The following VAV3 variants were observed in gnomAD, a reference collection of about 807,000 sequenced individuals.
VAV3 encodes the protein vav guanine nucleotide exchange factor 3.
A neutral mutation model predicts 131.2 loss-of-function variants in VAV3; 94 were observed. The ratio of observed to expected loss-of-function variants is 0.72; its 90% CI spans 0.61 to 0.85. The LOEUF (loss-of-function observed/expected upper bound fraction) is 0.85, where lower values mean the gene tolerates loss of function less well. Ranked by LOEUF, VAV3 falls within the 40% of genes least tolerant of loss-of-function variation. VAV3 has a pLI of 0.00. For missense variants in VAV3, 939 were observed against 1,002.7 expected (o/e 0.94, Z 0.86); for synonymous variants, 349 against 342.0 (o/e 1.02, Z -0.22).
At chr1:107,902,715 T>C (rs917889164) in intron 1 of VAV3, among the ~76,000 whole-genome samples, 6 of 152,144 alleles carry the variant, frequency 3.9e-5, no homozygotes, top group African/African-American at 7.2e-5. Context: ...ATATAAATCA[T>C]ATCTATGTAT....
intron 1 of VAV3, among the ~76,000 whole-genome samples, chr1:107,884,266 A>C (rs963105766): frequency 9.2e-5 from 14 of 151,878 alleles, no homozygotes; most frequent in African/African-American, 3.4e-4. Flanking sequence ...TTTATATCAC[A>C]AAGGATAAAT....
chr1:107,651,207 G>C (rs1213903142), intron 19 of VAV3, among the ~76,000 whole-genome samples: 3 of 152,108 alleles, frequency 2.0e-5, no homozygotes, highest in African/African-American at 7.2e-5. Flanking sequence ...AGAACTGTCA[G>C]CTGTCATTTA....
chr1:107,768,064 G>T (rs1400162261), intron 7 of VAV3, among the ~76,000 whole-genome samples: 1 of 152,154 alleles, frequency 6.6e-6, no homozygotes, highest in Non-Finnish European at 1.5e-5. Flanking sequence ...AACTGATATG[G>T]TGAGGACATC....
At chr1:107,879,808 TA>T (rs1670681188) in intron 1 of VAV3, among the ~76,000 whole-genome samples, 1 of 152,210 alleles carries the variant, frequency 6.6e-6, no homozygotes, top group African/African-American at 2.4e-5. Context: ...GACTTAGAAT[TA>T]AATAACTTTA....
intron 15 of VAV3, among the ~76,000 whole-genome samples, chr1:107,718,188 T>G (rs1661239044): frequency 6.6e-6 from 1 of 152,190 alleles, no homozygotes. Flanking sequence ...TTCAACATAC[T>G]GTTGGAAGTT....
chr1:107,580,113 C>T (rs1570551453), intron 25 of VAV3, among the ~76,000 whole-genome samples: 1 of 152,318 alleles, frequency 6.6e-6, no homozygotes, highest in East Asian at 1.9e-4. Flanking sequence ...CCCAATTAGA[C>T]AGCGATTCTG....
chr1:107,614,755 T>C (rs1653015246), intron 21 of VAV3, among the ~76,000 whole-genome samples: 1 of 152,152 alleles, frequency 6.6e-6, no homozygotes. Flanking sequence ...GTTCATTCAT[T>C]CAACAGTAAT....
At chr1:107,590,456 C>A (rs1650859901) in intron 25 of VAV3, among the ~76,000 whole-genome samples, 2 of 152,174 alleles carry the variant, frequency 1.3e-5, no homozygotes, top group African/African-American at 4.8e-5. Context: ...AGCCTATATA[C>A]AAATGCCTAT....
In VAV3 at chr1:107,574,138, A is replaced by G. The variant is rs758868025; in HGVS notation, c.2411T>C (p.Met804Thr). 4.3e-6 allele frequency: 7 copies of G among 1,613,916 alleles called. No homozygotes were observed. Among genetic ancestry groups the G allele is most frequent in the Non-Finnish European group, 5.9e-6 (7 of 1,179,984 alleles). The part of the protein sequence containing the change: ...IARYDFCARD[M>T]RELSLLKGDV... ...TCCTTTCAACAAGGACAACTCTCTC[A>G]TATCTCTTGCACAGAAGTCATACCG... The change falls in exon 26 of 27, where the codon ATG (methionine) becomes ACG (threonine). Residue 804 changes from methionine (M) to threonine (T), a missense_variant. Physicochemically the swap from Met to Thr is moderately conservative, Grantham distance 81. Coordinates refer to ENST00000370056, the MANE Select transcript of VAV3 (RefSeq NM_006113.5).
chr1:107,708,023 C>T (rs2101863966), intron 15 of VAV3, among the ~76,000 whole-genome samples: 1 of 152,310 alleles, frequency 6.6e-6, no homozygotes, highest in East Asian at 1.9e-4. Flanking sequence ...CAGAGTCATT[C>T]ATCCATTTCA....
chr1:107,628,740 TA>T (rs1654226390), intron 20 of VAV3, among the ~76,000 whole-genome samples: 1 of 152,180 alleles, frequency 6.6e-6, no homozygotes, highest in Admixed American at 6.5e-5. Flanking sequence ...TGGTCTAATA[TA>T]TAGAACTAAA....
intron 17 of VAV3, among the ~76,000 whole-genome samples, 160 bp downstream of exon 17, chr1:107,704,390 C>T (rs535455758): frequency 2.0e-4 from 30 of 152,194 alleles, no homozygotes; most frequent in Admixed American, 5.9e-4. Flanking sequence ...AGAAAACTCA[C>T]GTAAATTTTA....
intron 2 of VAV3, among the ~76,000 whole-genome samples, chr1:107,858,393 G>C (rs1001274088): frequency 2.0e-5 from 3 of 152,092 alleles, no homozygotes; most frequent in Admixed American, 6.5e-5. Context: ...CAAAATCTAA[G>C]AAAAATTTAA....
chr1:107,793,977 A>T (rs1666423814), intron 2 of VAV3, among the ~76,000 whole-genome samples: 1 of 152,254 alleles, frequency 6.6e-6, no homozygotes, highest in South Asian at 2.1e-4. Flanking sequence ...ATCTAGCTTG[A>T]GCAAACTTTA....
intron 19 of VAV3, among the ~76,000 whole-genome samples, chr1:107,664,739 G>T (rs74346298): frequency 0.014 from 2,187 of 152,236 alleles, 55 homozygotes; most frequent in African/African-American, 0.05. Flanking sequence ...TGTCATGGGA[G>T]AGGGACCCAC....
chr1:107,661,624 TAA>T (rs910375577), intron 19 of VAV3, among the ~76,000 whole-genome samples: 42 of 152,208 alleles, frequency 2.8e-4, no homozygotes, highest in Non-Finnish European at 5.7e-4. Context: ...AATCTCTCAA[TAA>T]AAGTTTGTTA....
At chr1:107,689,137 A>C (rs900671824) in intron 17 of VAV3, among the ~76,000 whole-genome samples, 2 of 152,160 alleles carry the variant, frequency 1.3e-5, no homozygotes, top group African/African-American at 4.8e-5. Context: ...CGCACACGGC[A>C]CTTGGAAAAC....
chr1:107,600,235 A>C (rs1651738042), intron 24 of VAV3, among the ~76,000 whole-genome samples: 1 of 152,204 alleles, frequency 6.6e-6, no homozygotes, highest in Non-Finnish European at 1.5e-5. Context: ...GAACAGAAAC[A>C]AAATGGAGGG....
rs1649294211 is a variant in VAV3, at chr1:107,571,996, ACT to A, written c.*1333_*1334del. 2.0e-5 allele frequency: 3 copies of A among 152,324 alleles called. No individual in the cohort carries two copies. In the South Asian group the frequency reaches 6.2e-4, roughly 32 times the overall value. 9.4% of individuals were successfully genotyped at this position (152,324 alleles called of 1,614,324 possible). ...TGCTTCTTTTTTTTCCCAACATGTA[ACT>A]CTCTCAGTCTTGTCAGAACACAACT... On this transcript the variant is annotated 3_prime_UTR_variant, in exon 27 of 27. Transcript: ENST00000370056.
Sources: gnomAD v4.1 joint callset for allele counts (sites outside exome capture counted in the v4.1 genomes callset) on GRCh38, gnomAD v4.1.1 for gene constraint, MANE v1.5 for transcripts, NCBI Gene and HGNC (gene_info 2026-07-23, HGNC 2026-07-21) for gene names.